Variants in EPS15 observed in about 807,000 individuals in gnomAD.
The protein encoded by EPS15 is epidermal growth factor receptor substrate 15.
In EPS15, 72 loss-of-function variants were observed where a neutral mutation model predicts 113.8. The ratio of observed to expected loss-of-function variants is 0.63; its 90% CI spans 0.52 to 0.77. The LOEUF (loss-of-function observed/expected upper bound fraction) is 0.77, where lower values mean the gene tolerates loss of function less well. Among genes scored for constraint, EPS15 ranks in the 30% least tolerant of loss-of-function variants. The pLI is 0.00. For synonymous variants in EPS15, 344 were observed against 363.4 expected, an observed-to-expected ratio of 0.95 and a Z score of 0.61; for missense variants, 1,048 against 1,045.8, an observed-to-expected ratio of 1.00 and a Z score of -0.03.
intron 19 of EPS15, among the ~76,000 whole-genome samples, chr1:51,400,712 C>CAAAAAAAAAAAAAAAAAAAA (rs375748381): frequency 3.8e-4 from 23 of 60,176 alleles, no homozygotes; most frequent in Non-Finnish European, 4.4e-4. Context: ...CAAAAAACAC[C>CAAAAAAAAAAAAAAAAAAAA]AAAAAAAAAA....
intron 12 of EPS15, among the ~76,000 whole-genome samples, chr1:51,434,784 GC>G (rs2148467247): frequency 6.6e-6 from 1 of 152,266 alleles, no homozygotes; most frequent in East Asian, 1.9e-4. Flanking sequence ...CGATTCTGCT[GC>G]CTCAGCCTCC....
At chr1:51,421,161 A>T (rs1412691619) in intron 13 of EPS15, among the ~76,000 whole-genome samples, 2 of 152,110 alleles carry the variant, frequency 1.3e-5, no homozygotes, top group Non-Finnish European at 1.5e-5. Context: ...CATTTCCCAA[A>T]CAAAAACTGA....
At chr1:51,427,601 C>T (rs1040396257) in intron 12 of EPS15, among the ~76,000 whole-genome samples, 2 of 152,074 alleles carry the variant, frequency 1.3e-5, no homozygotes, top group African/African-American at 4.8e-5. Flanking sequence ...AAAAGGCCTC[C>T]TTGGTATCAC....
chr1:51,389,799 C>T (rs1483173572), intron 21 of EPS15, among the ~76,000 whole-genome samples: 1 of 152,170 alleles, frequency 6.6e-6, no homozygotes, highest in Admixed American at 6.6e-5. Context: ...CAAACCACTG[C>T]TCAATGAAAT....
chr1:51,362,331 T>A (rs79843335), intron 23 of EPS15, among the ~76,000 whole-genome samples: 3,326 of 152,260 alleles, frequency 0.022, 32 homozygotes, highest in Middle Eastern at 0.034. Context: ...TCAGGGAACA[T>A]CCAGAAACAG....
chr1:51,402,218 G>A (rs1648635405), intron 18 of EPS15, among the ~76,000 whole-genome samples: 1 of 150,412 alleles, frequency 6.6e-6, no homozygotes, highest in Non-Finnish European at 1.5e-5. Context: ...GTGGTGGTGG[G>A]CGCCTGTAGT....
rs1655341535 is a variant in EPS15, at chr1:51,472,888, A to AT, written c.135dup (p.Ser46IlefsTer48). The AT allele has an allele frequency of 1.2e-6, 2 of 1,613,578 alleles. No individual in the cohort carries two copies. Among genetic ancestry groups the AT allele is most frequent in the Non-Finnish European group, 1.7e-6 (2 of 1,179,684 alleles). ...CCAAGTATCAAGTCTGGAAGCCCTG[A>AT]TTTTTTCAGGAAAGCAGCAGCATCA... is the stretch of plus-strand genomic sequence containing the variant. On this transcript the variant is annotated frameshift_variant, in exon 3 of 25. Coordinates refer to ENST00000371733, the MANE Select transcript of EPS15 (RefSeq NM_001981.3). LOFTEE classifies it high-confidence loss of function.
intron 1 of EPS15, among the ~76,000 whole-genome samples, chr1:51,497,458 C>T (rs932274531): frequency 1.4e-4 from 21 of 152,080 alleles, no homozygotes; most frequent in African/African-American, 4.8e-4. Flanking sequence ...TGACCTAATG[C>T]CCTCGAAATG....
Position 51,406,047 on chromosome 1 carries a change from C to T in EPS15, c.1535G>A (p.Cys512Tyr). 1 of 1,614,180 alleles carries T rather than the reference C, an allele frequency of 6.2e-7. No homozygotes were observed. The highest frequency in any genetic ancestry group is 8.5e-7 in the Non-Finnish European group (1 of 1,180,014). Residue 512 changes from cysteine (C) to tyrosine (Y), a missense_variant, in exon 16 of 25, where the codon TGC (cysteine) becomes TAC (tyrosine). Transcript: ENST00000371733. ...LENHNSQLNWCSSPHSILVNG... is the reference protein window; with the variant it reads ...LENHNSQLNWYSSPHSILVNG... Reference sequence around the variant, plus strand: ...TACAAGAATGCTGTGTGGGCTACTGCACCAATTTAACTGACTATTATGATT... The same window carrying T: ...TACAAGAATGCTGTGTGGGCTACTGTACCAATTTAACTGACTATTATGATT...
chr1:51,493,393 T>C (rs1179575864), intron 1 of EPS15, among the ~76,000 whole-genome samples: 9 of 149,236 alleles, frequency 6.0e-5, no homozygotes, highest in Non-Finnish European at 1.3e-4. Context: ...GGCGTGGTGG[T>C]GGGCGCCTGT....
At chr1:51,416,361 A>G (rs915040356) in intron 13 of EPS15, among the ~76,000 whole-genome samples, 1 of 152,186 alleles carries the variant, frequency 6.6e-6, no homozygotes, top group East Asian at 1.9e-4. Flanking sequence ...CAACAGCAAA[A>G]GAAAGGAAGA....
At chr1:51,392,753 G>T (rs1036694685) in intron 21 of EPS15, among the ~76,000 whole-genome samples, 3 of 152,118 alleles carry the variant, frequency 2.0e-5, no homozygotes, top group Admixed American at 6.6e-5. Flanking sequence ...ATTCCACTTT[G>T]ATATCATTAA....
chr1:51,423,366 T>G, intron 12 of EPS15: 1 of 1,095,362 alleles, frequency 9.1e-7, no homozygotes. Flanking sequence ...TTAAGCAAAT[T>G]CAAGAAATAC....
rs757480221 is a variant in EPS15, at chr1:51,363,958, A to G, written c.2267T>C (p.Val756Ala). The G allele has an allele frequency of 6.2e-7, 1 of 1,613,888 alleles. No individual in the cohort carries two copies. Among genetic ancestry groups the G allele is most frequent in the Admixed American group, 1.7e-5 (1 of 59,984 alleles). Residue 756 changes from valine (V) to alanine (A), a missense_variant, in exon 23 of 25, where the codon GTA becomes GCA. Transcript: ENST00000371733. ...ACTTTTGACCGATGTTTCCTCAAAT[A>G]CATTTTTTGTAATCACTACGTTGCT... is the stretch of plus-strand genomic sequence containing the variant. ...SVSNVVITKN[V>A]FEETSVKSED...
At chr1:51,491,859 ATTTT>A (rs1007233147) in intron 1 of EPS15, among the ~76,000 whole-genome samples, 2 of 129,818 alleles carry the variant, frequency 1.5e-5, no homozygotes, top group Admixed American at 7.8e-5. Context: ...AACTCATTTA[ATTTT>A]TTTTTTTTTT....
intron 2 of EPS15, among the ~76,000 whole-genome samples, chr1:51,473,714 A>T (rs1053181275): frequency 6.6e-6 from 1 of 152,220 alleles, no homozygotes; most frequent in Non-Finnish European, 1.5e-5. Flanking sequence ...GTAACAGGAT[A>T]ATAGTATATT....
At chr1:51,405,731 TTA>T (rs1649052243) in intron 16 of EPS15, among the ~76,000 whole-genome samples, 172 bp downstream of exon 16, 2 of 150,868 alleles carry the variant, frequency 1.3e-5, no homozygotes, top group Admixed American at 1.3e-4. Context: ...AGTTATCTTT[TTA>T]TACTAGTTAA....
chr1:51,424,099 T>TAC (rs1417844370), intron 12 of EPS15, among the ~76,000 whole-genome samples: 1 of 152,198 alleles, frequency 6.6e-6, no homozygotes, highest in African/African-American at 2.4e-5. Context: ...ATTCTGGTCT[T>TAC]ACAATATTCC....
chr1:51,455,033 T>A (rs576023027), intron 8 of EPS15, among the ~76,000 whole-genome samples: 201 of 152,228 alleles, frequency 1.3e-3, no homozygotes, highest in African/African-American at 4.7e-3. Flanking sequence ...CAGGATCTTG[T>A]CAAACTCTAA....
Sources: allele counts gnomAD v4.1 joint callset (sites outside exome capture counted in the v4.1 genomes callset), GRCh38; gene constraint gnomAD v4.1.1; transcripts MANE v1.5; gene names NCBI Gene and HGNC (gene_info 2026-07-23, HGNC 2026-07-21).